RICTOR: variants seen among roughly 807,000 people sequenced by gnomAD.
RICTOR encodes rapamycin-insensitive companion of mTOR.
RICTOR carries 49 observed loss-of-function variants against 214.9 expected under a neutral mutation model. The ratio of observed to expected loss-of-function variants is 0.23; its 90% CI spans 0.18 to 0.29. The LOEUF is 0.29. Among genes scored for constraint, RICTOR ranks in the 10% least tolerant of loss-of-function variants. RICTOR has a pLI of 1.00. For synonymous variants in RICTOR, 717 were observed against 711.3 expected (o/e 1.01, Z -0.13); for missense variants, 1,625 against 2,047.0 (o/e 0.79, Z 3.98).
intron 2 of RICTOR, among the ~76,000 whole-genome samples, chr5:39,054,277 A>G (rs545139008): frequency 1.3e-5 from 2 of 152,300 alleles, no homozygotes; most frequent in Admixed American, 6.5e-5. Context: ...TTCAGCACCA[A>G]GAAAAAAAGA....
At chr5:38,992,436 A>C (rs77193124) in intron 6 of RICTOR, among the ~76,000 whole-genome samples, 388 of 152,300 alleles carry the variant, frequency 2.5e-3, no homozygotes, top group African/African-American at 8.9e-3. Flanking sequence ...TATATTCTGT[A>C]AAGAGCTGGC....
At chr5:38,949,262 C>T in intron 31 of RICTOR, 2 of 719,118 alleles carry the variant, frequency 2.8e-6, no homozygotes, top group Non-Finnish European at 4.3e-6. Context: ...ATAATCACAG[C>T]TACTTAAAGT....
Position 38,942,978 on chromosome 5 carries a change from TA to T in RICTOR, c.4914-8del. 6.3e-7 allele frequency: 1 copy of T among 1,590,272 alleles called. No homozygotes were observed. Among genetic ancestry groups the T allele is most frequent in the African/African-American group, 1.3e-5 (1 of 74,558 alleles). ...AGGATACTTCTCCTTAATTCTAAAA[TA>T]AAAGATTATGGTGTGATGAAAACTG... On this transcript the variant is annotated splice_region_variant and splice_polypyrimidine_tract_variant and intron_variant, in intron 36 of 37. Coordinates refer to ENST00000357387, the MANE Select transcript of RICTOR (RefSeq NM_152756.5).
chr5:38,957,554 T>C, intron 25 of RICTOR, 98 bp downstream of exon 25: 2 of 728,712 alleles, frequency 2.7e-6, no homozygotes, highest in South Asian at 1.6e-5. Context: ...CCTTATTAAT[T>C]TCAAAACACT....
intron 22 of RICTOR, 133 bp from the exon 23 acceptor site, chr5:38,958,964 G>A (rs936115432): frequency 2.3e-5 from 16 of 707,446 alleles, no homozygotes; most frequent in Non-Finnish European, 3.4e-5. Context: ...CCCTTGATAT[G>A]AATACTTTTT....
intron 3 of RICTOR, 36 bp downstream of exon 3, chr5:39,021,003 G>T (rs1755380803): frequency 9.8e-7 from 1 of 1,023,694 alleles, no homozygotes; most frequent in Non-Finnish European, 1.6e-6. Flanking sequence ...AAGGAACAAA[G>T]AATTTTAGAC....
intron 25 of RICTOR, among the ~76,000 whole-genome samples, chr5:38,957,199 A>T (rs1185789168): frequency 2.6e-5 from 4 of 152,160 alleles, no homozygotes; most frequent in African/African-American, 9.6e-5. Context: ...GTTCATTCTC[A>T]GATTTAGGTA....
chr5:38,943,119 T>G lies in RICTOR; in HGVS notation c.4914-148A>C, dbSNP rs1034435606. 4 of 526,048 alleles carry G rather than the reference T, an allele frequency of 7.6e-6. No individual in the cohort carries two copies. The African/African-American group carries it at 7.6e-5, about 10-fold the overall frequency. 32.6% of individuals were successfully genotyped at this position (526,048 alleles called of 1,614,324 possible). ...GTGATGACTTGAGAATATAAAATAT[T>G]AAATATTCCTGTCACACACTTAGAC... is the stretch of plus-strand genomic sequence containing the variant. On this transcript the variant is annotated intron_variant, in intron 36 of 37. Transcript: ENST00000357387.
At chr5:39,063,625 A>T (rs899132134) in intron 2 of RICTOR, among the ~76,000 whole-genome samples, 4 of 152,116 alleles carry the variant, frequency 2.6e-5, no homozygotes, top group African/African-American at 9.7e-5. Flanking sequence ...TAATTGGCAT[A>T]TGCTTCAAAT....
At chr5:38,988,447 T>C (rs1261720168) in intron 7 of RICTOR, among the ~76,000 whole-genome samples, 3 of 152,210 alleles carry the variant, frequency 2.0e-5, no homozygotes, top group Non-Finnish European at 4.4e-5. Flanking sequence ...CATTATGTAA[T>C]GCCCTTCTTT....
intron 10 of RICTOR, among the ~76,000 whole-genome samples, chr5:38,974,515 T>C (rs903246780): frequency 2.0e-5 from 3 of 152,020 alleles, no homozygotes; most frequent in Non-Finnish European, 4.4e-5. Context: ...AATTAATTTT[T>C]TTGGTAAGAT....
At chr5:38,947,930 A>G (rs1247469141) in intron 31 of RICTOR, among the ~76,000 whole-genome samples, 1 of 152,142 alleles carries the variant, frequency 6.6e-6, no homozygotes, top group African/African-American at 2.4e-5. Flanking sequence ...TCAACATAAG[A>G]TTTATGTAGC....
intron 2 of RICTOR, among the ~76,000 whole-genome samples, chr5:39,073,694 G>C (rs1193938299): frequency 6.6e-6 from 1 of 152,264 alleles, no homozygotes; most frequent in South Asian, 2.1e-4. Flanking sequence ...GGGGAGGGCA[G>C]GATGTGGTCG....
chr5:39,019,364 A>C (rs1456005015), intron 3 of RICTOR, among the ~76,000 whole-genome samples: 1 of 152,150 alleles, frequency 6.6e-6, no homozygotes, highest in African/African-American at 2.4e-5. Flanking sequence ...GTCAATGTCT[A>C]GCTTCAAAGC....
rs1212318389 is a variant in RICTOR at position 38,967,424 on chromosome 5, G to C, written c.1064C>G (p.Pro355Arg). 6.2e-7 allele frequency: 1 copy of C among 1,607,636 alleles called. No homozygotes were observed. The highest frequency in any genetic ancestry group is 1.1e-5 in the South Asian group (1 of 90,362). The change falls in exon 13 of 38, where the codon CCA becomes CGA. Residue 355 changes from proline to arginine, a missense_variant. Transcript: ENST00000357387. ...CCTCCAACTGTCTTGGAACCTCCCT[G>C]GATCTAAATTAGTTAAAATATGGTA... ...EFIEALLSVD[P>R]GRFQDSWRLS... is the part of the protein sequence containing the mutation.
chr5:38,973,129 T>A (rs563558097), intron 10 of RICTOR, among the ~76,000 whole-genome samples: 1 of 152,044 alleles, frequency 6.6e-6, no homozygotes, highest in Non-Finnish European at 1.5e-5. Flanking sequence ...TAGGAAAGAG[T>A]ATAAGAGAAC....
intron 11 of RICTOR, among the ~76,000 whole-genome samples, chr5:38,968,846 T>C (rs1047898701): frequency 6.6e-6 from 1 of 151,800 alleles, no homozygotes; most frequent in Non-Finnish European, 1.5e-5. Flanking sequence ...CCTGGAGACA[T>C]TCCAGTATAC....
In RICTOR at chr5:38,963,030, G is replaced by A. The variant is rs1167728976; in HGVS notation, c.1412C>T (p.Ala471Val). 3 of 1,604,308 alleles carry A rather than the reference G, an allele frequency of 1.9e-6. No individual in the cohort carries two copies. The South Asian group carries it at 3.4e-5, about 18-fold the overall frequency. Residue 471 changes from alanine (A) to valine (V), a missense_variant, in exon 17 of 38, where the codon GCA becomes GTA. This residue lies in a region of RICTOR where 1,214 missense variants were observed against 1,470.5 expected (regional missense o/e 0.83). Coordinates refer to ENST00000357387, the MANE Select transcript of RICTOR (RefSeq NM_152756.5). ...GAAGCGTTTTAAACAGTTCAAGGCT[G>A]CACTGGCTCGCCTAATGAGAAAAAC... Reference protein sequence around the residue: ...IPKEKRLRASAALNCLKRFHE... With the variant: ...IPKEKRLRASVALNCLKRFHE...
At chr5:38,996,662 G>A (rs1753198362) in intron 6 of RICTOR, among the ~76,000 whole-genome samples, 157 bp downstream of exon 6, 1 of 152,040 alleles carries the variant, frequency 6.6e-6, no homozygotes, top group East Asian at 1.9e-4. Flanking sequence ...TTACCTCAAA[G>A]TTTAATGAAT....
Sources: gnomAD v4.1 joint callset for allele counts (sites outside exome capture counted in the v4.1 genomes callset) on GRCh38, gnomAD v4.1.1 for gene constraint, gnomAD v4.1.1 regional missense constraint, MANE v1.5 for transcripts, NCBI Gene and HGNC (gene_info 2026-07-23, HGNC 2026-07-21) for gene names.